The following FAM200B variants were observed in gnomAD, a reference collection of about 807,000 sequenced individuals.
FAM200B encodes the protein protein FAM200B.
A neutral mutation model predicts 33.1 loss-of-function variants in FAM200B; 32 were observed. The ratio of observed to expected loss-of-function variants is 0.97; its 90% confidence interval spans 0.73 to 1.30. FAM200B has a LOEUF of 1.30. FAM200B is among the 50% of genes most tolerant of loss of function. The probability of loss-of-function intolerance (pLI) is 0.00; values close to 1 mark genes in which losing one functional copy is unlikely to be tolerated. For missense variants in FAM200B, 741 were observed against 754.0 expected (o/e 0.98, Z 0.20); for synonymous variants, 240 against 264.8 (o/e 0.91, Z 0.91).
intron 1 of FAM200B, chr4:15,684,970 G>A (rs1718691609): frequency 6.6e-6 from 1 of 152,118 alleles, no homozygotes; most frequent in African/African-American, 2.4e-5. Flanking sequence ...GTACAATCAG[G>A]TACCATATGT....
At chr4:15,663,749 A>G in the FAM200B span, among the ~76,000 whole-genome samples, 1 of 152,184 alleles carries the variant, frequency 6.6e-6, no homozygotes, top group Non-Finnish European at 1.5e-5. Context: ...AACAAACACT[A>G]GGTGACTATC....
the FAM200B span, chr4:15,640,637 C>A: frequency 2.4e-6 from 1 of 418,108 alleles, no homozygotes; most frequent in Non-Finnish European, 4.3e-6. Flanking sequence ...TTTTTTTTTC[C>A]CTTGGGTTTT....
At chr4:15,664,962 A>G in the FAM200B span, among the ~76,000 whole-genome samples, 1 of 152,132 alleles carries the variant, frequency 6.6e-6, no homozygotes, top group African/African-American at 2.4e-5. Context: ...ATTAAGTTTA[A>G]GGTTGAAGTT....
chr4:15,677,451 T>C (rs1453991052), upstream of FAM200B, among the ~76,000 whole-genome samples: 1 of 152,154 alleles, frequency 6.6e-6, no homozygotes, highest in South Asian at 2.1e-4. Flanking sequence ...ACCTTCAGGA[T>C]GGAGGCTGGT....
chr4:15,679,586 C>A (rs375433786), upstream of FAM200B, among the ~76,000 whole-genome samples: 613 of 142,330 alleles, frequency 4.3e-3, 2 homozygotes, highest in African/African-American at 5.2e-3. Flanking sequence ...AACAAAAAAA[C>A]AAAAAACCAA....
the FAM200B span, among the ~76,000 whole-genome samples, chr4:15,637,877 A>G: frequency 3.3e-5 from 5 of 151,524 alleles, no homozygotes; most frequent in Non-Finnish European, 7.4e-5. Flanking sequence ...CTGAACATAA[A>G]TAATTACTGA....
At chr4:15,638,579 A>C in the FAM200B span, 1 of 1,612,622 alleles carries the variant, frequency 6.2e-7, no homozygotes, top group Non-Finnish European at 8.5e-7. Context: ...CCATAGGCTA[A>C]GACCTCTAAG....
rs1343775046 is a variant in FAM200B, at chr4:15,687,025, T to C, written c.48T>C (p.Tyr16=). ...GAAAGAGGAATAGTGAAGTGAAATA[T>C]ACAGAAGCATGTTCAAGTTCATCTG... is the stretch of plus-strand genomic sequence containing the variant. ...IKRKRNSEVK[Y]TEACSSSSVE... is the part of the protein sequence containing the mutation. The change falls in exon 2 of 2, where the codon TAT becomes TAC. Residue 16 remains tyrosine, a synonymous_variant. Coordinates refer to ENST00000422728, the MANE Select transcript of FAM200B (RefSeq NM_001145191.2). 6.6e-6 allele frequency: 10 copies of C among 1,505,654 alleles called. No individual in the cohort carries two copies. The allele number at this position is 1,505,654 out of a possible 1,614,324, so 93.3% of individuals were successfully genotyped here.
the FAM200B span, among the ~76,000 whole-genome samples, chr4:15,646,835 T>A: frequency 1.2e-4 from 18 of 152,062 alleles, no homozygotes; most frequent in East Asian, 3.3e-3. Flanking sequence ...CTGAGAATGA[T>A]GGTTTCCAGC....
chr4:15,650,006 T>C, the FAM200B span, among the ~76,000 whole-genome samples: 1 of 152,142 alleles, frequency 6.6e-6, no homozygotes, highest in African/African-American at 2.4e-5. Flanking sequence ...GAGTAAATTG[T>C]CAGAAAGAAC....
At chr4:15,670,250 A>G in the FAM200B span, among the ~76,000 whole-genome samples, 3 of 152,342 alleles carry the variant, frequency 2.0e-5, no homozygotes, top group East Asian at 5.8e-4. Flanking sequence ...GCATGAACAA[A>G]TATTTCATTT....
At position 15,687,813 on chromosome 4, in the gene FAM200B, G is replaced by T. The variant is rs577325145; in HGVS notation, c.836G>T (p.Arg279Leu). 3.9e-6 allele frequency: 6 copies of T among 1,550,942 alleles called. No individual in the cohort carries two copies. The East Asian group carries it at 1.5e-4, about 38-fold the overall frequency. ...GLDIFTELER[R>L]IVGQYKLNWK... is the part of the protein sequence containing the mutation. ...GATATTTTTACAGAATTAGAAAGGC[G>T]CATAGTTGGCCAATATAAATTAAAC... is the stretch of plus-strand genomic sequence containing the variant. Residue 279 changes from arginine (R) to leucine (L), a missense_variant, in exon 2 of 2, where the codon CGC (arginine) becomes CTC (leucine). Physicochemically the swap from Arg to Leu is moderately radical, Grantham distance 102. Coordinates refer to ENST00000422728, the MANE Select transcript of FAM200B (RefSeq NM_001145191.2).
the FAM200B span, among the ~76,000 whole-genome samples, chr4:15,648,823 T>G: frequency 6.6e-6 from 1 of 152,192 alleles, no homozygotes; most frequent in African/African-American, 2.4e-5. Flanking sequence ...AATACTGTAT[T>G]ATGTACTTGA....
At chr4:15,685,170 T>C (rs950512259) in intron 1 of FAM200B, among the ~76,000 whole-genome samples, 1 of 152,212 alleles carries the variant, frequency 6.6e-6, no homozygotes, top group Non-Finnish European at 1.5e-5. Context: ...GTACCCAGGA[T>C]TTATTTTAAT....
chr4:15,656,281 C>A, the FAM200B span: 1 of 456,186 alleles, frequency 2.2e-6, no homozygotes, highest in Admixed American at 2.3e-5. Flanking sequence ...GGCCACAGAC[C>A]TCCTGGAGAC....
the FAM200B span, among the ~76,000 whole-genome samples, chr4:15,654,872 G>A: frequency 2.6e-5 from 4 of 152,178 alleles, no homozygotes; most frequent in African/African-American, 7.2e-5. Flanking sequence ...TCTCCTTAGA[G>A]GCAGCAGCGG....
At chr4:15,672,099 A>G in the FAM200B span, among the ~76,000 whole-genome samples, 1 of 152,162 alleles carries the variant, frequency 6.6e-6, no homozygotes, top group Non-Finnish European at 1.5e-5. Flanking sequence ...TTTGTTCTAG[A>G]ATTCAGTTAA....
chr4:15,637,545 AAATAT>A, the FAM200B span, among the ~76,000 whole-genome samples: 1 of 152,192 alleles, frequency 6.6e-6, no homozygotes, highest in Admixed American at 6.5e-5. Context: ...CAAATATTTT[AAATAT>A]AATACAGCTA....
the FAM200B span, among the ~76,000 whole-genome samples, chr4:15,664,025 T>C: frequency 3.3e-5 from 5 of 152,298 alleles, no homozygotes; most frequent in Admixed American, 6.5e-5. Flanking sequence ...TTAAAGAAGC[T>C]ACATAATTTG....
Sources: allele counts gnomAD v4.1 joint callset (sites outside exome capture counted in the v4.1 genomes callset), GRCh38; gene constraint gnomAD v4.1.1; transcripts MANE v1.5; gene names NCBI Gene and HGNC (gene_info 2026-07-23, HGNC 2026-07-21).